CSTPP1: variants seen among roughly 807,000 people sequenced by gnomAD.
CSTPP1 encodes centriolar satellite-associated tubulin polyglutamylase complex regulator 1, also known as UPF0705 protein C11orf49.
At chr11:47,086,538 G>A in the CSTPP1 span, among the ~76,000 whole-genome samples, 3 of 152,000 alleles carry the variant, frequency 2.0e-5, no homozygotes, top group African/African-American at 4.8e-5. Context: ...GAAGGGAAGA[G>A]AAGATAATAA....
the CSTPP1 span, among the ~76,000 whole-genome samples, chr11:47,040,557 G>A: frequency 2.3e-3 from 285 of 126,590 alleles, 18 homozygotes; most frequent in African/African-American, 6.8e-3. Context: ...TACATACAGG[G>A]CAGTCCAGGG....
chr11:47,060,258 C>CTTTTTTTT, the CSTPP1 span, among the ~76,000 whole-genome samples: 31 of 99,018 alleles, frequency 3.1e-4, no homozygotes, highest in African/African-American at 5.2e-4. Flanking sequence ...CTTTTCTTTT[C>CTTTTTTTT]TTTTTTTTTT....
chr11:47,152,517 G>A, the CSTPP1 span, among the ~76,000 whole-genome samples: 23 of 151,984 alleles, frequency 1.5e-4, no homozygotes, highest in Non-Finnish European at 2.2e-4. Context: ...TAAGGCTTCC[G>A]CGAGGCTGCG....
At chr11:47,119,255 T>C in the CSTPP1 span, among the ~76,000 whole-genome samples, 1 of 152,380 alleles carries the variant, frequency 6.6e-6, no homozygotes, top group South Asian at 2.1e-4. Context: ...GCGTGGGACC[T>C]GCCAAGCTTG....
the CSTPP1 span, among the ~76,000 whole-genome samples, chr11:46,981,211 G>T: frequency 6.6e-6 from 1 of 151,708 alleles, no homozygotes; most frequent in Admixed American, 6.6e-5. Context: ...TATCAAAAAG[G>T]TAAGTAGGTT....
chr11:47,138,809 C>T, the CSTPP1 span, among the ~76,000 whole-genome samples: 1 of 151,996 alleles, frequency 6.6e-6, no homozygotes, highest in African/African-American at 2.4e-5. Context: ...GAAACTCCAT[C>T]TCTACTAAAA....
the CSTPP1 span, among the ~76,000 whole-genome samples, chr11:47,104,967 A>G: frequency 6.6e-6 from 1 of 152,368 alleles, no homozygotes; most frequent in East Asian, 1.9e-4. Context: ...GGAATTCTCC[A>G]GGTCAACCTG....
chr11:47,038,106 A>ACC, the CSTPP1 span, among the ~76,000 whole-genome samples: 15 of 41,278 alleles, frequency 3.6e-4, 1 homozygote, highest in African/African-American at 9.2e-4. Flanking sequence ...CGGGGGGCTG[A>ACC]CCCCCCCACC....
the CSTPP1 span, among the ~76,000 whole-genome samples, chr11:46,985,632 A>G: frequency 6.6e-6 from 1 of 152,210 alleles, no homozygotes; most frequent in Non-Finnish European, 1.5e-5. Flanking sequence ...GTATTTGAGT[A>G]CCTGACATCT....
At chr11:46,974,252 G>A in the CSTPP1 span, among the ~76,000 whole-genome samples, 2 of 152,080 alleles carry the variant, frequency 1.3e-5, no homozygotes, top group African/African-American at 4.8e-5. Context: ...AACAGGCCTG[G>A]CGCAGTGGCT....
chr11:46,967,522 T>C, the CSTPP1 span, among the ~76,000 whole-genome samples: 2 of 152,146 alleles, frequency 1.3e-5, no homozygotes, highest in South Asian at 4.1e-4. Context: ...TTTTTCAAAG[T>C]TGTTTTCGCT....
chr11:47,139,124 G>T, the CSTPP1 span, among the ~76,000 whole-genome samples: 1 of 145,208 alleles, frequency 6.9e-6, no homozygotes, highest in African/African-American at 2.6e-5. Flanking sequence ...ATTTAAATTT[G>T]TTTACCTTAA....
the CSTPP1 span, among the ~76,000 whole-genome samples, chr11:46,979,881 C>G: frequency 1.3e-5 from 2 of 152,130 alleles, no homozygotes; most frequent in Non-Finnish European, 2.9e-5. Context: ...CCACTACACT[C>G]CAGCCTGGGT....
the CSTPP1 span, among the ~76,000 whole-genome samples, chr11:46,950,527 A>G: frequency 2.6e-5 from 4 of 151,962 alleles, no homozygotes; most frequent in Non-Finnish European, 4.4e-5. Context: ...TCTCATATAT[A>G]TATTTTTTAA....
the CSTPP1 span, among the ~76,000 whole-genome samples, chr11:47,125,860 T>C: frequency 6.6e-6 from 1 of 151,946 alleles, no homozygotes. Context: ...CTACTAAAAA[T>C]ACAAAAATTA....
At chr11:47,059,790 A>G in the CSTPP1 span, among the ~76,000 whole-genome samples, 1 of 152,206 alleles carries the variant, frequency 6.6e-6, no homozygotes, top group Admixed American at 6.5e-5. Flanking sequence ...TGATATGATT[A>G]CTATCCTGTT....
chr11:46,974,313 A>G, the CSTPP1 span, among the ~76,000 whole-genome samples: 2 of 152,062 alleles, frequency 1.3e-5, 1 homozygote, highest in South Asian at 4.2e-4. Context: ...AGATCGCTTG[A>G]GGTCAAGAGT....
the CSTPP1 span, among the ~76,000 whole-genome samples, chr11:47,067,673 C>T: frequency 5.9e-5 from 9 of 152,366 alleles, no homozygotes; most frequent in South Asian, 1.4e-3. Context: ...CTTTACCAGA[C>T]ACCAACTCTG....
chr11:47,026,629 G>A, the CSTPP1 span, among the ~76,000 whole-genome samples: 1 of 152,152 alleles, frequency 6.6e-6, no homozygotes, highest in African/African-American at 2.4e-5. Flanking sequence ...TGTAATCCCA[G>A]CTCTTTGGGA....
Sources: gnomAD v4.1 joint callset for allele counts (sites outside exome capture counted in the v4.1 genomes callset) on GRCh38, gnomAD v4.1.1 for gene constraint, MANE v1.5 for transcripts, NCBI Gene and HGNC (gene_info 2026-07-23, HGNC 2026-07-21) for gene names.